DIS3L: variants seen among roughly 807,000 people sequenced by gnomAD.
The protein encoded by DIS3L is DIS3-like exonuclease 1.
In DIS3L, 100 loss-of-function variants were observed where a neutral mutation model predicts 120.3. The ratio of observed to expected loss-of-function variants is 0.83; its 90% CI spans 0.71 to 0.98. DIS3L has a LOEUF of 0.98. Among genes scored for constraint, DIS3L ranks in the 50% least tolerant of loss-of-function variants. DIS3L has a pLI of 0.00. For synonymous variants in DIS3L, 426 were observed against 470.6 expected, an observed-to-expected ratio of 0.91 and a Z score of 1.23; for missense variants, 1,196 against 1,314.2, an observed-to-expected ratio of 0.91 and a Z score of 1.39.
intron 14 of DIS3L, chr15:66,331,602 G>A (rs1214406745): frequency 1.3e-5 from 3 of 238,498 alleles, no homozygotes; most frequent in African/African-American, 2.3e-5. Flanking sequence ...TACTTTTCCT[G>A]TACCCAAGGT....
At chr15:66,302,025 A>T (rs2092653051) in intron 2 of DIS3L, among the ~76,000 whole-genome samples, 1 of 152,182 alleles carries the variant, frequency 6.6e-6, no homozygotes, top group Admixed American at 6.5e-5. Context: ...TCTGGTGGTA[A>T]CCCCTGGGTC....
chr15:66,307,090 CT>C (rs2092709721), intron 3 of DIS3L, 138 bp downstream of exon 3: 2 of 1,103,342 alleles, frequency 1.8e-6, no homozygotes, highest in African/African-American at 3.2e-5. Flanking sequence ...CACCGAAATG[CT>C]TACCATGTCA....
At chr15:66,314,494 G>A (rs543373280) in intron 6 of DIS3L, among the ~76,000 whole-genome samples, 7 of 152,282 alleles carry the variant, frequency 4.6e-5, no homozygotes, top group Admixed American at 1.3e-4. Flanking sequence ...ATGAAAAAAT[G>A]TGTAAATAAG....
rs2092707232 is a variant in DIS3L, at chr15:66,306,834, A to C, written c.304A>C (p.Lys102Gln). 1 of 1,614,074 alleles carries C rather than the reference A, an allele frequency of 6.2e-7. No individual in the cohort carries two copies. Among genetic ancestry groups the C allele is most frequent in the Non-Finnish European group, 8.5e-7 (1 of 1,180,016 alleles). Residue 102 changes from lysine to glutamine, a missense_variant, in exon 3 of 17, where the codon AAA (lysine) becomes CAA (glutamine). Physicochemically the swap from Lys to Gln is moderately conservative, Grantham distance 53 (BLOSUM62 1). Transcript: ENST00000319212. ...TCCTCCGTGTCACAGACAGTATAAC[A>C]AACTGCGAAACCTGCTGAAGGATGC... ...QHQRGRRQYN[K>Q]LRNLLKDARH...
chr15:66,307,110 G>C (rs894788599), intron 3 of DIS3L, among the ~76,000 whole-genome samples, 158 bp downstream of exon 3: 5 of 152,064 alleles, frequency 3.3e-5, no homozygotes, highest in Non-Finnish European at 5.9e-5. Flanking sequence ...CAATATTTTA[G>C]ATATATCATT....
At chr15:66,316,503 A>G (rs368952851) in intron 7 of DIS3L, among the ~76,000 whole-genome samples, 7 of 152,114 alleles carry the variant, frequency 4.6e-5, no homozygotes, top group Admixed American at 2.0e-4. Flanking sequence ...TCTCCACTCA[A>G]AGACACAATG....
chr15:66,319,952 T>TAAA (rs34195061), intron 8 of DIS3L, among the ~76,000 whole-genome samples: 21,644 of 107,614 alleles, frequency 0.2, 2,343 homozygotes, highest in Middle Eastern at 0.31. Context: ...CCATTTCTAC[T>TAAA]AAAAAAAAAA....
In DIS3L at chr15:66,314,084, G is replaced by C; in HGVS notation, c.781G>C (p.Val261Leu). 1 of 1,530,472 alleles carries C rather than the reference G, an allele frequency of 6.5e-7. No individual in the cohort carries two copies. The highest frequency in any genetic ancestry group is 8.7e-7 in the Non-Finnish European group (1 of 1,145,540). 94.8% of individuals were successfully genotyped at this position (1,530,472 alleles called of 1,614,324 possible). A position where few individuals can be genotyped will look rare whatever the true frequency, so the allele number is the denominator to read the frequency against. The change falls in exon 6 of 17, where the codon GTT becomes CTT. Residue 261 changes from valine (V) to leucine (L), a missense_variant. Val to Leu is a conservative substitution (Grantham distance 32, BLOSUM62 1). Coordinates refer to ENST00000319212, the MANE Select transcript of DIS3L (RefSeq NM_001143688.3). ...ACACAGAGCCCAAATAGAAGCTTTTGTTCGACTTCAAGGAGCCAGCAGTAA... is the reference window on the plus strand; with the variant it reads ...ACACAGAGCCCAAATAGAAGCTTTTCTTCGACTTCAAGGAGCCAGCAGTAA... ...NKHRAQIEAFVRLQGASSKDS... is the reference protein window; with the variant it reads ...NKHRAQIEAFLRLQGASSKDS...
chr15:66,301,816 CT>C (rs1220774559), intron 2 of DIS3L, among the ~76,000 whole-genome samples: 1 of 152,162 alleles, frequency 6.6e-6, no homozygotes, highest in Non-Finnish European at 1.5e-5. Context: ...GAGTGATTCG[CT>C]GTTTGTTTCC....
At chr15:66,329,869 A>G in intron 14 of DIS3L, 7 of 977,370 alleles carry the variant, frequency 7.2e-6, no homozygotes, top group Non-Finnish European at 8.5e-6. Flanking sequence ...CCGAGATCAC[A>G]CCACTGCACT....
At position 66,306,900 on chromosome 15, in the gene DIS3L, T is replaced by G. The variant is rs781444531; in HGVS notation, c.370T>G (p.Cys124Gly). ...TCTCTTTGCTAATGAATTCCAGCAA[T>G]GCTGCTATCTGCCACGGGAAAGAGG... ...CILFANEFQQ[C>G]CYLPRERGES... Residue 124 changes from cysteine to glycine, a missense_variant, in exon 3 of 17, where the codon TGC (cysteine) becomes GGC (glycine). Transcript: ENST00000319212. 1.2e-5 allele frequency: 20 copies of G among 1,614,086 alleles called. No individual in the cohort carries two copies. The highest frequency in any genetic ancestry group is 1.7e-5 in the Non-Finnish European group (20 of 1,180,038).
chr15:66,323,625 C>T, intron 11 of DIS3L, 40 bp downstream of exon 11: 2 of 1,597,090 alleles, frequency 1.3e-6, no homozygotes, highest in Admixed American at 1.7e-5. Flanking sequence ...TGTCCTGGCC[C>T]TTCTGTGGCT....
intron 7 of DIS3L, among the ~76,000 whole-genome samples, chr15:66,317,344 GGAAAAAAAAAA>G (rs1412774717): frequency 2.5e-5 from 2 of 79,084 alleles, no homozygotes; most frequent in Non-Finnish European, 5.0e-5. Context: ...AATATTTGTG[GGAAAAAAAAAA>G]AAAAAAAGAA....
chr15:66,308,485 G>T (rs1483236289), intron 3 of DIS3L, among the ~76,000 whole-genome samples: 2 of 152,150 alleles, frequency 1.3e-5, no homozygotes, highest in African/African-American at 4.8e-5. Context: ...AGTGGTGGTT[G>T]GATGTCTTAG....
intron 2 of DIS3L, among the ~76,000 whole-genome samples, chr15:66,303,005 T>C (rs1243819840): frequency 1.3e-5 from 2 of 152,168 alleles, no homozygotes; most frequent in Non-Finnish European, 1.5e-5. Flanking sequence ...ATTCTGCTAT[T>C]CTACTTTCCA....
At chr15:66,297,319 C>G (rs1002283467) in intron 2 of DIS3L, among the ~76,000 whole-genome samples, 1 of 152,248 alleles carries the variant, frequency 6.6e-6, no homozygotes, top group Non-Finnish European at 1.5e-5. Flanking sequence ...TTTGGCCAGG[C>G]CTGGTGGCTC....
rs184235507 is a variant in DIS3L, at chr15:66,324,765, G to A, written c.1668-1066G>A. Among the ~76,000 whole-genome samples the A allele has an allele frequency of 2.6e-5, 4 of 152,018 alleles. No individual in the cohort carries two copies. The East Asian group carries it at 5.8e-4, about 22-fold the overall frequency. On this transcript the variant is annotated intron_variant, in intron 11 of 16. Transcript: ENST00000319212. ...TACAAATAAAGCTAACCATTTTTTC[G>A]TATGTTTGTCACTTATGTATCCCTT...
At position 66,293,744 on chromosome 15, in the gene DIS3L, CGGGGCG is replaced by C. The variant is rs1364721842; in HGVS notation, c.139+19_139+24del. 12 of 1,209,212 alleles carry C rather than the reference CGGGGCG, an allele frequency of 9.9e-6. No individual in the cohort carries two copies. Among genetic ancestry groups the C allele is most frequent in the Non-Finnish European group, 1.2e-5 (12 of 973,626 alleles). The allele number at this position is 1,209,212 out of a possible 1,614,324, so 74.9% of individuals were successfully genotyped here. A position where few individuals can be genotyped will look rare whatever the true frequency, so the allele number is the denominator to read the frequency against. ...CGCCGCCTGCAGCCACGGTCAGGGC[CGGGGCG>C]GGGGCGGGGACGGGGCCGGCGGGAG... On this transcript the variant is annotated intron_variant, in intron 1 of 16. Transcript: ENST00000319212.
chr15:66,326,125 A>T lies in DIS3L; in HGVS notation c.1962A>T (p.Val654=). The change falls in exon 12 of 17, where the codon GTA becomes GTT. Residue 654 remains valine, a synonymous_variant. Coordinates refer to ENST00000319212, the MANE Select transcript of DIS3L (RefSeq NM_001143688.3). ...GTGGTGCCCTGGAACTGGAAGGGGT[A>T]GAGGTTTGCGTACAGCTAGATGACA... ...DGCGALELEG[V]EVCVQLDDKK... is the part of the protein sequence containing the mutation. 6.2e-7 allele frequency: 1 copy of T among 1,614,202 alleles called. No individual in the cohort carries two copies. The highest frequency in any genetic ancestry group is 8.5e-7 in the Non-Finnish European group (1 of 1,180,028).
Sources: gnomAD v4.1 joint callset for allele counts (sites outside exome capture counted in the v4.1 genomes callset) on GRCh38, gnomAD v4.1.1 for gene constraint, MANE v1.5 for transcripts, NCBI Gene and HGNC (gene_info 2026-07-23, HGNC 2026-07-21) for gene names.